The following MACROD2 variants were observed in gnomAD, a reference collection of about 807,000 sequenced individuals.
MACROD2 encodes the protein mono-ADP ribosylhydrolase 2.
In MACROD2, 36 loss-of-function variants were observed where a neutral mutation model predicts 70.4. That is an observed-to-expected ratio of 0.51 (90% CI 0.39 to 0.68). MACROD2 has a LOEUF of 0.68. Among genes scored for constraint, MACROD2 ranks in the 30% least tolerant of loss-of-function variants. MACROD2 has a pLI of 0.00. For synonymous variants in MACROD2, 172 were observed against 178.8 expected, an observed-to-expected ratio of 0.96 and a Z score of 0.30; for missense variants, 496 against 538.4, an observed-to-expected ratio of 0.92 and a Z score of 0.78.
At chr20:14,962,477 G>A (rs182337085) in intron 5 of MACROD2, among the ~76,000 whole-genome samples, 2 of 148,324 alleles carry the variant, frequency 1.3e-5, no homozygotes, top group Admixed American at 6.7e-5. Context: ...TTTATATATA[G>A]TTATGTTTGT....
At chr20:14,829,633 C>G (rs1250357243) in intron 5 of MACROD2, among the ~76,000 whole-genome samples, 2 of 152,022 alleles carry the variant, frequency 1.3e-5, no homozygotes, top group African/African-American at 4.8e-5. Flanking sequence ...ATTAGTGCCT[C>G]CATAGTCTGA....
At chr20:15,677,206 G>T (rs558647608) in intron 8 of MACROD2, among the ~76,000 whole-genome samples, 5 of 152,280 alleles carry the variant, frequency 3.3e-5, no homozygotes, top group African/African-American at 1.2e-4. Context: ...GACTATTGTA[G>T]TAATCTCTTT....
intron 8 of MACROD2, among the ~76,000 whole-genome samples, chr20:15,828,152 G>A (rs6079978): frequency 6.6e-6 from 1 of 152,122 alleles, no homozygotes; most frequent in African/African-American, 2.4e-5. Context: ...AAAATGATAA[G>A]GATATGAGGT....
intron 15 of MACROD2, among the ~76,000 whole-genome samples, chr20:15,987,793 A>G (rs1208526410): frequency 6.6e-6 from 1 of 152,202 alleles, no homozygotes; most frequent in African/African-American, 2.4e-5. Flanking sequence ...GTTTAAAAAA[A>G]CTATTCTGGT....
intron 3 of MACROD2, among the ~76,000 whole-genome samples, chr20:14,332,519 G>A (rs937968296): frequency 6.6e-6 from 1 of 152,056 alleles, no homozygotes; most frequent in Non-Finnish European, 1.5e-5. Context: ...CTTATTTAAT[G>A]CCTTAGATTT....
intron 8 of MACROD2, among the ~76,000 whole-genome samples, chr20:15,566,663 G>T (rs1350705561): frequency 6.6e-6 from 1 of 152,100 alleles, no homozygotes; most frequent in Non-Finnish European, 1.5e-5. Context: ...AAAGCTCTTG[G>T]CATTCCCAGT....
At chr20:14,928,257 C>G (rs1310765377) in intron 5 of MACROD2, among the ~76,000 whole-genome samples, 1 of 152,016 alleles carries the variant, frequency 6.6e-6, no homozygotes, top group Non-Finnish European at 1.5e-5. Flanking sequence ...TCTATCCTCA[C>G]GGGTTCATAT....
At chr20:15,862,717 C>G in intron 8 of MACROD2, 28 bp from the exon 9 acceptor site, 1 of 1,578,152 alleles carries the variant, frequency 6.3e-7, no homozygotes, top group East Asian at 2.2e-5. Flanking sequence ...TTTTTTTTCA[C>G]TTTGAGTGTT....
At chr20:14,115,821 A>C (rs1197689284) in intron 3 of MACROD2, among the ~76,000 whole-genome samples, 3 of 152,234 alleles carry the variant, frequency 2.0e-5, no homozygotes, top group African/African-American at 7.2e-5. Context: ...AATAAGACAG[A>C]AATACACAAA....
chr20:15,502,072 A>G (rs2047371780), intron 8 of MACROD2, among the ~76,000 whole-genome samples: 1 of 152,196 alleles, frequency 6.6e-6, no homozygotes, highest in African/African-American at 2.4e-5. Context: ...GCTTTGTCAT[A>G]TTGGTAGTCT....
chr20:15,172,438 A>C (rs1008259172), intron 5 of MACROD2, among the ~76,000 whole-genome samples: 2 of 152,170 alleles, frequency 1.3e-5, no homozygotes, highest in Non-Finnish European at 2.9e-5. Context: ...GGGTCTCAAC[A>C]TCCAGTTGTG....
intron 3 of MACROD2, among the ~76,000 whole-genome samples, chr20:14,252,101 C>T (rs997325418): frequency 2.0e-5 from 3 of 151,894 alleles, no homozygotes; most frequent in African/African-American, 4.8e-5. Flanking sequence ...TTAAATATAT[C>T]GGAGGGTAAC....
Position 16,051,875 on chromosome 20 carries a change from T to A in MACROD2, c.*1999T>A, listed in dbSNP as rs1269097389. The stretch of plus-strand genomic sequence containing the variant: ...CATGAGGGAAACAGAGGGACAGAGA[T>A]TTTCTAATGAACAATGATGGAAGAG... On this transcript the variant is annotated 3_prime_UTR_variant, in exon 18 of 18. Transcript: ENST00000684519. The A allele has an allele frequency of 6.6e-6, 1 of 152,070 alleles. No individual in the cohort carries two copies. Among genetic ancestry groups the A allele is most frequent in the African/African-American group, 2.4e-5 (1 of 41,392 alleles). The allele number at this position is 152,070 out of a possible 1,614,324, so 9.4% of individuals were successfully genotyped here.
At chr20:15,268,832 A>C (rs1043703257) in intron 6 of MACROD2, among the ~76,000 whole-genome samples, 12 of 152,178 alleles carry the variant, frequency 7.9e-5, no homozygotes, top group African/African-American at 2.4e-4. Context: ...TCCTTCCTTC[A>C]GAGTCATGGC....
intron 3 of MACROD2, among the ~76,000 whole-genome samples, chr20:14,245,912 A>G (rs1032615927): frequency 1.3e-5 from 2 of 152,152 alleles, no homozygotes; most frequent in Admixed American, 1.3e-4. Flanking sequence ...TCCAAGGGCT[A>G]TTATCTCAGG....
chr20:14,476,250 T>C (rs957429642), intron 3 of MACROD2, among the ~76,000 whole-genome samples: 3 of 152,224 alleles, frequency 2.0e-5, no homozygotes, highest in Non-Finnish European at 4.4e-5. Context: ...ACAACAAATA[T>C]ACTGAGTTTC....
intron 3 of MACROD2, among the ~76,000 whole-genome samples, chr20:14,116,333 G>A (rs1000266410): frequency 8.5e-5 from 13 of 152,218 alleles, no homozygotes; most frequent in East Asian, 1.9e-4. Flanking sequence ...CAGAGACTGC[G>A]TTATCCGTTT....
At chr20:15,811,334 A>G (rs2063819560) in intron 8 of MACROD2, among the ~76,000 whole-genome samples, 1 of 151,894 alleles carries the variant, frequency 6.6e-6, no homozygotes. Context: ...AACACATGAA[A>G]AAATGCTCAT....
intron 3 of MACROD2, among the ~76,000 whole-genome samples, chr20:14,309,747 A>G (rs2082550132): frequency 6.6e-6 from 1 of 152,168 alleles, no homozygotes. Flanking sequence ...AACAGTAATA[A>G]CTATACAAAT....
Sources: allele counts gnomAD v4.1 joint callset (sites outside exome capture counted in the v4.1 genomes callset), GRCh38; gene constraint gnomAD v4.1.1; transcripts MANE v1.5; gene names NCBI Gene and HGNC (gene_info 2026-07-23, HGNC 2026-07-21).